Variants in DENND6A observed in about 807,000 individuals in gnomAD.
DENND6A encodes DENN domain containing 6A, also known as protein DENND6A.
A neutral mutation model predicts 95.5 loss-of-function variants in DENND6A; 43 were observed. That is an observed-to-expected ratio of 0.45 (90% CI 0.35 to 0.58). DENND6A has a LOEUF of 0.58. Among genes scored for constraint, DENND6A ranks in the 20% least tolerant of loss-of-function variants. The probability of loss-of-function intolerance (pLI) is 0.00; values close to 1 mark genes in which losing one functional copy is unlikely to be tolerated. For synonymous variants in DENND6A, 257 were observed against 260.4 expected (o/e 0.99, Z 0.13); for missense variants, 574 against 736.0 (o/e 0.78, Z 2.55).
At chr3:57,655,487 A>C (rs1439554201) in intron 9 of DENND6A, among the ~76,000 whole-genome samples, 1 of 152,254 alleles carries the variant, frequency 6.6e-6, no homozygotes, top group Non-Finnish European at 1.5e-5. Context: ...GAAAATCTAC[A>C]TTACAAAATG....
At chr3:57,644,743 G>A (rs1575826669) in intron 11 of DENND6A, among the ~76,000 whole-genome samples, 1 of 6,862 alleles carries the variant, frequency 1.5e-4, no homozygotes, top group Non-Finnish European at 2.6e-4. Context: ...AGGGAGGGGA[G>A]GGGTGGGGAG....
At chr3:57,639,656 C>T (rs891580406) in intron 12 of DENND6A, among the ~76,000 whole-genome samples, 26 of 152,282 alleles carry the variant, frequency 1.7e-4, no homozygotes, top group Middle Eastern at 3.4e-3. Flanking sequence ...ATGCCATTTA[C>T]AGAGTACCAT....
At chr3:57,650,095 G>A (rs2071171389) in intron 9 of DENND6A, among the ~76,000 whole-genome samples, 2 of 152,050 alleles carry the variant, frequency 1.3e-5, no homozygotes, top group Non-Finnish European at 2.9e-5. Flanking sequence ...CTATGAGGAT[G>A]CAAAGACATA....
chr3:57,661,631 T>A, intron 5 of DENND6A, 80 bp from the exon 6 acceptor site: 3 of 1,133,382 alleles, frequency 2.6e-6, no homozygotes, highest in Non-Finnish European at 3.7e-6. Flanking sequence ...ACAAGCTAAA[T>A]TCAGCAAAAA....
Position 57,626,355 on chromosome 3 carries a change from T to G in DENND6A, c.*1859A>C, listed in dbSNP as rs898094534. ...AATACATACAACTAAATTTGGTTAT[T>G]TAGAGGATAATTCAAGACACAGCTA... On this transcript the variant is annotated 3_prime_UTR_variant, in exon 20 of 20. Transcript: ENST00000311128. 4 of 152,250 alleles carry G rather than the reference T, an allele frequency of 2.6e-5. No individual in the cohort carries two copies. The highest frequency in any genetic ancestry group is 5.9e-5 in the Non-Finnish European group (4 of 68,026). The allele number at this position is 152,250 out of a possible 1,614,324, so 9.4% of individuals were successfully genotyped here.
intron 1 of DENND6A, among the ~76,000 whole-genome samples, chr3:57,691,785 A>G (rs1038860250): frequency 6.6e-6 from 1 of 152,018 alleles, no homozygotes; most frequent in Non-Finnish European, 1.5e-5. Flanking sequence ...AAAGACCTTC[A>G]ACAACGTCAA....
At chr3:57,647,628 A>G (rs2071106430) in intron 9 of DENND6A, among the ~76,000 whole-genome samples, 1 of 152,158 alleles carries the variant, frequency 6.6e-6, no homozygotes, top group Non-Finnish European at 1.5e-5. Flanking sequence ...AGGTTGTCAC[A>G]ATGTGGGACC....
intron 3 of DENND6A, among the ~76,000 whole-genome samples, chr3:57,669,278 A>T (rs1161803419): frequency 6.6e-6 from 1 of 152,182 alleles, no homozygotes; most frequent in Non-Finnish European, 1.5e-5. Context: ...CTTGCTACCT[A>T]GGACAATGAT....
At chr3:57,690,666 A>G (rs933662137) in intron 1 of DENND6A, among the ~76,000 whole-genome samples, 2 of 150,440 alleles carry the variant, frequency 1.3e-5, no homozygotes, top group Non-Finnish European at 3.0e-5. Context: ...CCTGGCTGAC[A>G]AAGTTAGACT....
At chr3:57,661,596 T>C (rs752238429) in intron 5 of DENND6A, 45 bp from the exon 6 acceptor site, 38 of 1,440,946 alleles carry the variant, frequency 2.6e-5, no homozygotes, top group Non-Finnish European at 3.5e-5. Flanking sequence ...GCTTTGTCAT[T>C]CATTTCTTGC....
intron 1 of DENND6A, among the ~76,000 whole-genome samples, chr3:57,678,361 A>G (rs1013050315): frequency 2.0e-4 from 31 of 152,214 alleles, no homozygotes; most frequent in African/African-American, 7.2e-4. Context: ...TACCTCACAC[A>G]CTGAACTGCC....
At chr3:57,631,759 T>G (rs2070683284) in intron 15 of DENND6A, among the ~76,000 whole-genome samples, 2 of 145,106 alleles carry the variant, frequency 1.4e-5, no homozygotes, top group Admixed American at 1.4e-4. Context: ...GTCTCACTCT[T>G]TCGCCCAAGC....
At chr3:57,670,460 T>C (rs996924484) in intron 3 of DENND6A, among the ~76,000 whole-genome samples, 1 of 152,184 alleles carries the variant, frequency 6.6e-6, no homozygotes, top group African/African-American at 2.4e-5. Context: ...TAAGGGTTAT[T>C]TTAGCAAGGC....
At position 57,627,364 on chromosome 3, in the gene DENND6A, GGACTCTC is replaced by G. The variant is rs1281847911; in HGVS notation, c.*843_*849del. On this transcript the variant is annotated 3_prime_UTR_variant, in exon 20 of 20. Coordinates refer to ENST00000311128, the MANE Select transcript of DENND6A (RefSeq NM_152678.3). ...TCACCATGTTGGCCAGGCTGGTCTT[GGACTCTC>G]GACCTTAAGTGACCTGTCCACCTTG... 6.6e-6 allele frequency: 1 copy of G among 151,940 alleles called. No homozygotes were observed. Among genetic ancestry groups the G allele is most frequent in the Non-Finnish European group, 1.5e-5 (1 of 68,026 alleles). The allele number at this position is 151,940 out of a possible 1,614,324, so 9.4% of individuals were successfully genotyped here. A position where few individuals can be genotyped will look rare whatever the true frequency, so the allele number is the denominator to read the frequency against.
chr3:57,649,619 A>G (rs996503068), intron 9 of DENND6A, among the ~76,000 whole-genome samples: 1 of 146,234 alleles, frequency 6.8e-6, no homozygotes, highest in African/African-American at 2.6e-5. Flanking sequence ...AATGCCCATC[A>G]ATCAATGAGT....
At chr3:57,690,829 G>A (rs557353587) in intron 1 of DENND6A, among the ~76,000 whole-genome samples, 2 of 152,234 alleles carry the variant, frequency 1.3e-5, no homozygotes, top group African/African-American at 4.8e-5. Flanking sequence ...GCCCTACTAG[G>A]TTTATGTCTT....
Position 57,634,627 on chromosome 3 carries a change from G to C in DENND6A, c.1199-5C>G. ...GCTTATATGAAGTATAAACTCCTAA[G>C]AGCAAAGAAAAGAAGGTAAACAAAA... On this transcript the variant is annotated splice_region_variant and splice_polypyrimidine_tract_variant and intron_variant, in intron 13 of 19. Transcript: ENST00000311128. 1 of 1,487,000 alleles carries C rather than the reference G, an allele frequency of 6.7e-7. No individual in the cohort carries two copies. The highest frequency in any genetic ancestry group is 9.0e-7 in the Non-Finnish European group (1 of 1,111,446). The allele number at this position is 1,487,000 out of a possible 1,614,324, so 92.1% of individuals were successfully genotyped here.
intron 3 of DENND6A, among the ~76,000 whole-genome samples, chr3:57,670,917 C>A (rs937047587): frequency 6.6e-6 from 1 of 152,150 alleles, no homozygotes; most frequent in Admixed American, 6.5e-5. Flanking sequence ...AGTGTATGTA[C>A]AGATTTTATA....
rs76293042 is a variant in DENND6A, at chr3:57,634,447, A to G, written c.1263+111T>C. 5.8e-4 allele frequency: 328 copies of G among 567,072 alleles called. 4 individuals carry two copies. In the East Asian group the frequency reaches 0.012, roughly 21 times the overall value. 35.1% of individuals were successfully genotyped at this position (567,072 alleles called of 1,614,324 possible). A position where few individuals can be genotyped will look rare whatever the true frequency, so the allele number is the denominator to read the frequency against. On this transcript the variant is annotated intron_variant, in intron 14 of 19. Coordinates refer to ENST00000311128, the MANE Select transcript of DENND6A (RefSeq NM_152678.3). Reference sequence around the variant, plus strand: ...GACTCTGTCTCCCAAAAAAAAAAAAAAAAAGGAGAGATCCTATTTCACATT... The same window carrying G: ...GACTCTGTCTCCCAAAAAAAAAAAAGAAAAGGAGAGATCCTATTTCACATT...
Sources: allele counts gnomAD v4.1 joint callset (sites outside exome capture counted in the v4.1 genomes callset), GRCh38; gene constraint gnomAD v4.1.1; transcripts MANE v1.5; gene names NCBI Gene and HGNC (gene_info 2026-07-23, HGNC 2026-07-21).